The following POLQ variants were observed in gnomAD, a reference collection of about 807,000 sequenced individuals.
The protein encoded by POLQ is epididymis secretory sperm binding protein.
Under a neutral mutation model 259.2 loss-of-function variants are expected in POLQ, and 233 were observed. That is an observed-to-expected ratio of 0.90 (90% CI 0.81 to 1.00). POLQ has a LOEUF of 1.00. Ranked by LOEUF, POLQ falls within the 50% of genes least tolerant of loss-of-function variation. The pLI, the probability that POLQ is intolerant of heterozygous loss-of-function variation, is 0.00. For synonymous variants in POLQ, 1,025 were observed against 1,048.8 expected (o/e 0.98, Z 0.44); for missense variants, 2,871 against 3,051.6 (o/e 0.94, Z 1.39).
intron 7 of POLQ, among the ~76,000 whole-genome samples, chr3:121,525,783 T>C (rs1445190250): frequency 6.6e-6 from 1 of 152,192 alleles, no homozygotes; most frequent in Non-Finnish European, 1.5e-5. Flanking sequence ...CTGGCACTTG[T>C]TTGGAAGCAC....
rs776674811 is a variant in POLQ, at chr3:121,449,404, C to A, written c.7175G>T (p.Gly2392Val). 2 of 1,591,906 alleles carry A rather than the reference C, an allele frequency of 1.3e-6. No individual in the cohort carries two copies. The highest frequency in any genetic ancestry group is 1.1e-5 in the South Asian group (1 of 90,610). Reference sequence around the variant, plus strand: ...CTCTCCCAAAGATTTAGCTCCCATTCCATAAATGATCCCATAGCAAATCTG... The same window carrying A: ...CTCTCCCAAAGATTTAGCTCCCATTACATAAATGATCCCATAGCAAATCTG... The part of the protein sequence containing the change: ...AKQICYGIIY[G>V]MGAKSLGEQM... Residue 2392 changes from glycine (G) to valine (V), a missense_variant, in exon 26 of 30, where the codon GGA becomes GTA. Around this residue, in one of 3 missense-constraint regions of POLQ, gnomAD observed 2,080 missense variants for 2,126.0 expected, o/e 0.98. Coordinates refer to ENST00000264233, the MANE Select transcript of POLQ (RefSeq NM_199420.4).
In POLQ at chr3:121,432,424, A is replaced by G. The variant is rs761591909; in HGVS notation, c.7660-7T>C. ...TCTTGACAATCTGAGCTACCTAAGG[A>G]AAAAAAAAATGTAGTTAACAAACTG... On this transcript the variant is annotated splice_region_variant and splice_polypyrimidine_tract_variant and intron_variant, in intron 29 of 29. Transcript: ENST00000264233. 4.6e-6 allele frequency: 7 copies of G among 1,511,596 alleles called. No individual in the cohort carries two copies. Among genetic ancestry groups the G allele is most frequent in the African/African-American group, 4.2e-5 (3 of 70,918 alleles). 93.6% of individuals were successfully genotyped at this position (1,511,596 alleles called of 1,614,324 possible).
At chr3:121,524,810 T>C (rs2048360943) in intron 7 of POLQ, among the ~76,000 whole-genome samples, 1 of 152,190 alleles carries the variant, frequency 6.6e-6, no homozygotes, top group Admixed American at 6.5e-5. Flanking sequence ...GTTAAACAGA[T>C]GTATGCATCT....
At chr3:121,439,904 TA>T in intron 27 of POLQ, 87 bp downstream of exon 27, 1 of 1,205,926 alleles carries the variant, frequency 8.3e-7, no homozygotes, top group African/African-American at 1.5e-5. Context: ...CAGTAATCCC[TA>T]AAACGGATAT....
At chr3:121,471,523 C>T (rs1341930167) in intron 22 of POLQ, among the ~76,000 whole-genome samples, 1 of 152,086 alleles carries the variant, frequency 6.6e-6, no homozygotes, top group East Asian at 1.9e-4. Context: ...AGGTGGATCA[C>T]CTGAGGTCAG....
chr3:121,446,404 G>A (rs2047632827), intron 26 of POLQ, among the ~76,000 whole-genome samples: 2 of 152,130 alleles, frequency 1.3e-5, no homozygotes, highest in South Asian at 4.1e-4. Flanking sequence ...TGTGTATTGT[G>A]TGGCCATTAA....
intron 3 of POLQ, among the ~76,000 whole-genome samples, chr3:121,540,303 T>C (rs2048481381): frequency 6.6e-6 from 1 of 152,212 alleles, no homozygotes. Context: ...GTTAACATCC[T>C]AATTTTACAA....
At chr3:121,457,870 C>A (rs1293251330) in intron 25 of POLQ, among the ~76,000 whole-genome samples, 1 of 152,118 alleles carries the variant, frequency 6.6e-6, no homozygotes, top group Non-Finnish European at 1.5e-5. Context: ...TTTGACCCAG[C>A]CATCCCATTA....
chr3:121,487,998 T>C lies in POLQ; in HGVS notation c.4933A>G (p.Ile1645Val). 8 of 1,612,956 alleles carry C rather than the reference T, an allele frequency of 5.0e-6. No homozygotes were observed. Among genetic ancestry groups the C allele is most frequent in the East Asian group, 2.2e-5 (1 of 44,866 alleles). ...SFDLSPGLQR[I>V]LDKVSSPLEN... is the part of the protein sequence containing the mutation. ...AGAGGACTGGATACTTTATCTAAAATCCTTTGCAGTCCTGGACTTAGATCA... is the reference window on the plus strand; with the variant it reads ...AGAGGACTGGATACTTTATCTAAAACCCTTTGCAGTCCTGGACTTAGATCA... Residue 1645 changes from isoleucine (I) to valine (V), a missense_variant, in exon 16 of 30, where the codon ATT becomes GTT. Physicochemically the swap from Ile to Val is conservative, Grantham distance 29. Transcript: ENST00000264233.
At position 121,541,468 on chromosome 3, in the gene POLQ, C is replaced by A. The variant is rs370074954; in HGVS notation, c.355G>T (p.Ala119Ser). The A allele has an allele frequency of 9.4e-6, 15 of 1,600,566 alleles. No homozygotes were observed. The highest frequency in any genetic ancestry group is 1.8e-5 in the Admixed American group (1 of 55,838). Residue 119 changes from alanine to serine, a missense_variant, in exon 3 of 30, where the codon GCT becomes TCT. By Grantham distance (99) the Ala-to-Ser change is moderately conservative. This residue lies in a region of POLQ where 783 missense variants were observed against 906.2 expected (regional missense o/e 0.86). Transcript: ENST00000264233. ...KNLVYSAPTSAGKTLVAELLI... is the reference protein window; with the variant it reads ...KNLVYSAPTSSGKTLVAELLI... ...AATTCTGCCACAAGAGTCTTCCCAG[C>A]ACTTGTAGGAGCTAAAACATGATTA...
In POLQ at chr3:121,488,729, CTTTG is replaced by C. The variant is rs2048036409; in HGVS notation, c.4198_4201del (p.Gln1400AlafsTer10). ...GATATCAACCCCATGTGAATCACTG[CTTTG>C]TTTCATAGTACCTACAGTCTTAAGG... On this transcript the variant is annotated frameshift_variant, in exon 16 of 30. Transcript: ENST00000264233. LOFTEE classifies it high-confidence loss of function. 1 of 1,614,070 alleles carries C rather than the reference CTTTG, an allele frequency of 6.2e-7. No homozygotes were observed. The highest frequency in any genetic ancestry group is 1.3e-5 in the African/African-American group (1 of 75,038).
chr3:121,492,047 C>T lies in POLQ; in HGVS notation c.2522+1431G>A, dbSNP rs182430260. On this transcript the variant is annotated intron_variant, in intron 15 of 29. Transcript: ENST00000264233. ...ACCCCCCTACCCCCACCTCCACCCC[C>T]GGTCTGTGGAAAAATTGTCTTCCAT... Among the ~76,000 whole-genome samples, 68 of 152,194 alleles carry T rather than the reference C, an allele frequency of 4.5e-4. 1 individual carries two copies. Among genetic ancestry groups the T allele is most frequent in the Middle Eastern group, 3.4e-3 (1 of 294 alleles).
At chr3:121,491,370 A>T (rs2048067450) in intron 15 of POLQ, among the ~76,000 whole-genome samples, 1 of 138,534 alleles carries the variant, frequency 7.2e-6, no homozygotes. Context: ...AAAAAAAAAA[A>T]AGACAAGACA....
chr3:121,487,720 A>G lies in POLQ; in HGVS notation c.5211T>C (p.Pro1737=). ...NIVDDNGLIP[P]TPIPTSASKL... Reference sequence around the variant, plus strand: ...TAGAAGCAGATGTTGGAATGGGTGTAGGAGGAATGAGACCATTATCATCAA... The same window carrying G: ...TAGAAGCAGATGTTGGAATGGGTGTGGGAGGAATGAGACCATTATCATCAA... Residue 1737 remains proline (P), a synonymous_variant, in exon 16 of 30, where the codon CCT becomes CCC. Coordinates refer to ENST00000264233, the MANE Select transcript of POLQ (RefSeq NM_199420.4). 1 of 1,613,890 alleles carries G rather than the reference A, an allele frequency of 6.2e-7. No individual in the cohort carries two copies. The highest frequency in any genetic ancestry group is 1.1e-5 in the South Asian group (1 of 91,068).
intron 2 of POLQ, among the ~76,000 whole-genome samples, chr3:121,543,913 G>A (rs1486387999): frequency 1.3e-5 from 2 of 151,694 alleles, no homozygotes; most frequent in African/African-American, 4.8e-5. Context: ...AACCCGGGAG[G>A]CAGAGGGTGC....
chr3:121,541,263 G>T, intron 3 of POLQ, 86 bp downstream of exon 3: 3 of 1,205,662 alleles, frequency 2.5e-6, no homozygotes, highest in Non-Finnish European at 3.5e-6. Context: ...TTTTCCACTT[G>T]CTTTTATAAT....
chr3:121,469,159 G>A (rs1311051865), intron 22 of POLQ, among the ~76,000 whole-genome samples: 1 of 135,636 alleles, frequency 7.4e-6, no homozygotes, highest in South Asian at 2.4e-4. Flanking sequence ...CTGTACTCCA[G>A]CCTGGGCAAC....
chr3:121,451,957 T>G (rs1038273430), intron 25 of POLQ, among the ~76,000 whole-genome samples: 1 of 152,224 alleles, frequency 6.6e-6, no homozygotes, highest in African/African-American at 2.4e-5. Context: ...TCCTGGCCTC[T>G]TTGTTTACCT....
rs138615670 is a variant in POLQ at position 121,527,612 on chromosome 3, C to CT, written c.1108+2032dup. ...CAGCAATAGCTTCACAAATTTCCTT[C>CT]TTTTTTTACAGTAGTACTTAAGCTC... On this transcript the variant is annotated intron_variant, in intron 7 of 29. Coordinates refer to ENST00000264233, the MANE Select transcript of POLQ (RefSeq NM_199420.4). Among the ~76,000 whole-genome samples, 1,237 of 152,308 alleles carry CT rather than the reference C, an allele frequency of 8.1e-3. 15 individuals carry two copies. The highest frequency in any genetic ancestry group is 0.028 in the African/African-American group (1,175 of 41,574).
Sources: gnomAD v4.1 joint callset for allele counts (sites outside exome capture counted in the v4.1 genomes callset) on GRCh38, gnomAD v4.1.1 for gene constraint, gnomAD v4.1.1 regional missense constraint, MANE v1.5 for transcripts, NCBI Gene and HGNC (gene_info 2026-07-23, HGNC 2026-07-21) for gene names.